The following DHX29 variants were observed in gnomAD, a reference collection of about 807,000 sequenced individuals.
The protein encoded by DHX29 is DExH-box helicase 29, also known as ATP-dependent RNA helicase DHX29.
In DHX29, 79 loss-of-function variants were observed where a neutral mutation model predicts 167.9. That is an observed-to-expected ratio of 0.47 (90% CI 0.39 to 0.57). DHX29 has a LOEUF of 0.57. DHX29 is among the 20% of genes least tolerant of loss of function. The pLI, the probability that DHX29 is intolerant of heterozygous loss-of-function variation, is 0.00. For synonymous variants in DHX29, 530 were observed against 546.0 expected, an observed-to-expected ratio of 0.97 and a Z score of 0.41; for missense variants, 1,347 against 1,593.4, an observed-to-expected ratio of 0.85 and a Z score of 2.63.
intron 11 of DHX29, among the ~76,000 whole-genome samples, chr5:55,281,808 G>A (rs1321126358): frequency 9.6e-5 from 14 of 145,140 alleles, no homozygotes; most frequent in Admixed American, 6.2e-4. Flanking sequence ...TTTTTGAGAC[G>A]GAGTTTCATT....
chr5:55,269,298 C>T (rs113714433), intron 21 of DHX29, 115 bp downstream of exon 21: 42 of 878,888 alleles, frequency 4.8e-5, no homozygotes, highest in African/African-American at 3.5e-4. Context: ...TTTTAATGTT[C>T]GTATAGACAT....
intron 5 of DHX29, chr5:55,294,894 A>G (rs1748234448): frequency 6.5e-6 from 1 of 154,078 alleles, no homozygotes; most frequent in African/African-American, 2.4e-5. Flanking sequence ...AGCAAGAATA[A>G]TAAAGCAGGA....
rs756914294 is a variant in DHX29 at position 55,283,857 on chromosome 5, T to A, written c.1357-46A>T. The A allele has an allele frequency of 6.7e-6, 10 of 1,487,154 alleles. No individual in the cohort carries two copies. The African/African-American group carries it at 1.3e-4, about 19-fold the overall frequency. 92.1% of individuals were successfully genotyped at this position (1,487,154 alleles called of 1,614,324 possible). ...TGTTATTTTCACTAACTATTCAATA[T>A]GGAAATTCAATAGATTAGCACTTAA... On this transcript the variant is annotated intron_variant, in intron 10 of 26. Transcript: ENST00000251636.
At chr5:55,275,676 T>A (rs1397972569) in intron 14 of DHX29, among the ~76,000 whole-genome samples, 2 of 152,162 alleles carry the variant, frequency 1.3e-5, no homozygotes, top group Non-Finnish European at 2.9e-5. Flanking sequence ...TCTGAAAACA[T>A]GTCATTGAGA....
intron 4 of DHX29, among the ~76,000 whole-genome samples, chr5:55,295,997 C>T (rs1748300324): frequency 6.6e-6 from 1 of 152,142 alleles, no homozygotes; most frequent in Admixed American, 6.5e-5. Flanking sequence ...GTATTAAGGA[C>T]ATAGCAAAAT....
At chr5:55,299,036 CAAAAA>C (rs35986300) in intron 1 of DHX29, among the ~76,000 whole-genome samples, 6 of 76,160 alleles carry the variant, frequency 7.9e-5, no homozygotes, top group Middle Eastern at 7.5e-3. Context: ...GACTCCGTCT[CAAAAA>C]AAAAAAAAAA....
At chr5:55,262,443 T>C (rs1746354156) in intron 24 of DHX29, among the ~76,000 whole-genome samples, 187 bp downstream of exon 24, 1 of 152,206 alleles carries the variant, frequency 6.6e-6, no homozygotes, top group Non-Finnish European at 1.5e-5. Context: ...CCTTACTATT[T>C]GTTTTTGAAG....
chr5:55,258,566 C>G (rs1451635261), intron 26 of DHX29, among the ~76,000 whole-genome samples: 3 of 152,172 alleles, frequency 2.0e-5, no homozygotes, highest in African/African-American at 7.2e-5. Flanking sequence ...AAACACTGCA[C>G]TGGGCAAACT....
Position 55,277,198 on chromosome 5 carries a change from G to A in DHX29, c.2194C>T (p.Leu732=), listed in dbSNP as rs200185292. ...TCGCTGTCCACAGTGGCACTCATTA[G>A]AATCAAGTGTAGATCAGAACGTTTC... The part of the protein sequence containing the change: ...LQKRSDLHLI[L]MSATVDSEKF... The change falls in exon 13 of 27, where the codon CTA becomes TTA. Residue 732 remains leucine (L), a synonymous_variant. Coordinates refer to ENST00000251636, the MANE Select transcript of DHX29 (RefSeq NM_019030.4). The A allele has an allele frequency of 3.1e-6, 5 of 1,611,412 alleles. No individual in the cohort carries two copies. In the East Asian group the frequency reaches 1.1e-4, roughly 36 times the overall value.
intron 16 of DHX29, 22 bp from the exon 17 acceptor site, chr5:55,273,399 C>A: frequency 1.3e-6 from 2 of 1,530,800 alleles, no homozygotes; most frequent in South Asian, 1.3e-5. Context: ...AATCATAGTT[C>A]TTAGCAAGAG....
At chr5:55,277,663 T>C (rs572244153) in intron 12 of DHX29, among the ~76,000 whole-genome samples, 2 of 152,224 alleles carry the variant, frequency 1.3e-5, no homozygotes, top group Admixed American at 1.3e-4. Context: ...CCTAGCACTT[T>C]AGGAGGCCGA....
Position 55,270,622 on chromosome 5 carries a change from C to T in DHX29, c.2949G>A (p.Gly983=), listed in dbSNP as rs934667538. 1 of 1,614,214 alleles carries T rather than the reference C, an allele frequency of 6.2e-7. No individual in the cohort carries two copies. Among genetic ancestry groups the T allele is most frequent in the East Asian group, 2.2e-5 (1 of 44,882 alleles). The change falls in exon 19 of 27, where the codon GGG becomes GGA. Residue 983 remains glycine (G), a synonymous_variant. Coordinates refer to ENST00000251636, the MANE Select transcript of DHX29 (RefSeq NM_019030.4). The part of the protein sequence containing the change: ...ASALQRQGRA[G]RVRDGFCFRM... ...GGAAACAGAAGCCATCTCTGACCCG[C>T]CCAGCTCTTCCCTGGCGCTGCAAAG...
intron 17 of DHX29, among the ~76,000 whole-genome samples, chr5:55,273,024 C>T (rs1464560397): frequency 6.6e-6 from 1 of 152,050 alleles, no homozygotes; most frequent in African/African-American, 2.4e-5. Flanking sequence ...ACTTTTTTTC[C>T]TCAACAGGCA....
At chr5:55,277,905 C>CA (rs753851538) in intron 12 of DHX29, among the ~76,000 whole-genome samples, 1,817 of 61,632 alleles carry the variant, frequency 0.029, 32 homozygotes, top group Middle Eastern at 0.043. Context: ...GACTCTATCT[C>CA]AAAAAAAAAA....
chr5:55,271,795 T>C (rs536649151), intron 18 of DHX29, among the ~76,000 whole-genome samples: 1 of 152,338 alleles, frequency 6.6e-6, no homozygotes, highest in South Asian at 2.1e-4. Context: ...TTAAACAATT[T>C]ATTTTACAAA....
chr5:55,298,551 GA>G, intron 2 of DHX29, 39 bp downstream of exon 2: 1 of 1,217,698 alleles, frequency 8.2e-7, no homozygotes. Flanking sequence ...AAAAAAGGGG[GA>G]AACATTTCTT....
chr5:55,295,144 G>C (rs1748248739), intron 5 of DHX29: 3 of 376,558 alleles, frequency 8.0e-6, no homozygotes, highest in African/African-American at 6.2e-5. Flanking sequence ...GAAACACCTT[G>C]CTGAGCCCAG....
At chr5:55,275,098 A>T in intron 14 of DHX29, 88 bp from the exon 15 acceptor site, 1 of 1,425,766 alleles carries the variant, frequency 7.0e-7, no homozygotes, top group Non-Finnish European at 9.5e-7. Flanking sequence ...ATTTGCATTC[A>T]TTCAAATCTA....
intron 1 of DHX29, among the ~76,000 whole-genome samples, chr5:55,306,359 C>T (rs1051839178): frequency 2.0e-5 from 3 of 152,172 alleles, no homozygotes; most frequent in African/African-American, 7.2e-5. Flanking sequence ...TTCTGCCATG[C>T]TTCACAGAGT....
Sources: allele counts gnomAD v4.1 joint callset (sites outside exome capture counted in the v4.1 genomes callset), GRCh38; gene constraint gnomAD v4.1.1; transcripts MANE v1.5; gene names NCBI Gene and HGNC (gene_info 2026-07-23, HGNC 2026-07-21).